The following CTNNA2 variants were observed in gnomAD, a reference collection of about 807,000 sequenced individuals.
CTNNA2 encodes the protein catenin alpha-2.
A neutral mutation model predicts 101.0 loss-of-function variants in CTNNA2; 42 were observed. That is an observed-to-expected ratio of 0.42 (90% confidence interval 0.32 to 0.54). The LOEUF (loss-of-function observed/expected upper bound fraction) is 0.54. Among genes scored for constraint, CTNNA2 ranks in the 20% least tolerant of loss-of-function variants. The probability of loss-of-function intolerance (pLI) is 0.14; values close to 1 mark genes in which losing one functional copy is unlikely to be tolerated. For synonymous variants in CTNNA2, 450 were observed against 456.4 expected, an observed-to-expected ratio of 0.99 and a Z score of 0.18; for missense variants, 871 against 1,223.1, an observed-to-expected ratio of 0.71 and a Z score of 4.29.
At chr2:79,443,137 G>A (rs900056488) in intron 4 of CTNNA2, among the ~76,000 whole-genome samples, 1 of 152,042 alleles carries the variant, frequency 6.6e-6, no homozygotes. Context: ...AATATATAAA[G>A]ATAAAAACAA....
At chr2:79,194,245 G>A (rs1294742693) in intron 1 of CTNNA2, among the ~76,000 whole-genome samples, 1 of 152,210 alleles carries the variant, frequency 6.6e-6, no homozygotes, top group Non-Finnish European at 1.5e-5. Context: ...ACTGTTGGTG[G>A]AGGGCAAGCT....
intron 7 of CTNNA2, among the ~76,000 whole-genome samples, chr2:80,300,281 G>GGGGGGTGT (rs1353283390): frequency 1.1e-5 from 1 of 93,108 alleles, no homozygotes; most frequent in Non-Finnish European, 2.2e-5. Flanking sequence ...GGGGTGTTGG[G>GGGGGGTGT]GTGTGTGTGT....
chr2:80,040,782 C>A (rs1338267268), intron 7 of CTNNA2, among the ~76,000 whole-genome samples: 1 of 152,022 alleles, frequency 6.6e-6, no homozygotes, highest in Non-Finnish European at 1.5e-5. Flanking sequence ...TTGGACGATT[C>A]AATTAAAGGT....
intron 7 of CTNNA2, among the ~76,000 whole-genome samples, chr2:80,156,385 C>T (rs2148936639): frequency 6.6e-6 from 1 of 152,304 alleles, no homozygotes; most frequent in East Asian, 1.9e-4. Flanking sequence ...TTGCAAGTAG[C>T]TCTCTTAAAA....
intron 5 of CTNNA2, among the ~76,000 whole-genome samples, chr2:79,873,475 G>T (rs189912323): frequency 6.6e-6 from 1 of 152,278 alleles, no homozygotes; most frequent in African/African-American, 2.4e-5. Context: ...GATAGGAGAG[G>T]AAGAGTGTCT....
At chr2:79,729,300 T>A (rs1408759264) in intron 2 of CTNNA2, among the ~76,000 whole-genome samples, 1 of 152,164 alleles carries the variant, frequency 6.6e-6, no homozygotes, top group East Asian at 1.9e-4. Context: ...GTTCCTTAAA[T>A]AAACTGTCTT....
At chr2:80,519,119 T>TTG (rs138881791) in intron 9 of CTNNA2, among the ~76,000 whole-genome samples, 8,509 of 151,862 alleles carry the variant, frequency 0.056, 314 homozygotes, top group African/African-American at 0.1. Flanking sequence ...TCTTTCTCTT[T>TTG]TGTGTGTGTG....
At chr2:79,699,684 G>A (rs1487463919) in intron 2 of CTNNA2, among the ~76,000 whole-genome samples, 1 of 150,552 alleles carries the variant, frequency 6.6e-6, no homozygotes, top group Non-Finnish European at 1.5e-5. Flanking sequence ...CCTTTTTGGG[G>A]GGATCTTTTT....
chr2:79,906,423 C>T (rs1025117536), intron 6 of CTNNA2, among the ~76,000 whole-genome samples: 5 of 152,108 alleles, frequency 3.3e-5, no homozygotes, highest in African/African-American at 4.8e-5. Flanking sequence ...GTCTCCCGAG[C>T]GGCTTCTCCC....
intron 2 of CTNNA2, among the ~76,000 whole-genome samples, chr2:79,668,239 T>A: frequency 1.1e-5 from 1 of 90,176 alleles, no homozygotes; most frequent in African/African-American, 4.6e-5. Flanking sequence ...AGAGCGAGAC[T>A]CCGTCTCAAA....
At chr2:80,223,633 A>G (rs932853051) in intron 7 of CTNNA2, among the ~76,000 whole-genome samples, 1 of 152,178 alleles carries the variant, frequency 6.6e-6, no homozygotes, top group African/African-American at 2.4e-5. Flanking sequence ...CAGAACACTC[A>G]AGAGTTCTGT....
At chr2:79,335,273 A>C (rs926819907) in intron 3 of CTNNA2, among the ~76,000 whole-genome samples, 1 of 152,204 alleles carries the variant, frequency 6.6e-6, no homozygotes, top group African/African-American at 2.4e-5. Flanking sequence ...CATGAATATA[A>C]TTAGCAGAAC....
At chr2:80,508,095 T>G (rs1301496443) in intron 9 of CTNNA2, among the ~76,000 whole-genome samples, 1 of 152,166 alleles carries the variant, frequency 6.6e-6, no homozygotes, top group Admixed American at 6.5e-5. Context: ...TGGCACTAGA[T>G]GATATCTAAG....
At chr2:79,560,006 T>C (rs191059004) in intron 1 of CTNNA2, among the ~76,000 whole-genome samples, 99 of 151,990 alleles carry the variant, frequency 6.5e-4, no homozygotes, top group African/African-American at 1.9e-3. Context: ...ATGATATGTA[T>C]ATTTAACATC....
At chr2:80,416,146 G>T (rs1250145861) in intron 8 of CTNNA2, among the ~76,000 whole-genome samples, 1 of 151,944 alleles carries the variant, frequency 6.6e-6, no homozygotes, top group Non-Finnish European at 1.5e-5. Flanking sequence ...ACACCATGAT[G>T]ACTAGCAAAA....
chr2:79,511,943 G>A (rs1323971992), upstream of CTNNA2, among the ~76,000 whole-genome samples: 3 of 152,058 alleles, frequency 2.0e-5, no homozygotes, highest in Non-Finnish European at 4.4e-5. Flanking sequence ...ACTTAGCGTC[G>A]GTTGTGTCAT....
At chr2:80,571,418 T>C (rs921506889) in intron 12 of CTNNA2, among the ~76,000 whole-genome samples, 7 of 152,190 alleles carry the variant, frequency 4.6e-5, no homozygotes, top group Admixed American at 2.6e-4. Context: ...ATAATTTGAT[T>C]TCTTTTTAAA....
At chr2:80,102,135 G>T (rs1362595756) in intron 7 of CTNNA2, among the ~76,000 whole-genome samples, 1 of 152,126 alleles carries the variant, frequency 6.6e-6, no homozygotes, top group Non-Finnish European at 1.5e-5. Context: ...CCGATATAAG[G>T]TTAGTAGGCA....
At chr2:79,269,771 T>C (rs1299631466) in intron 2 of CTNNA2, among the ~76,000 whole-genome samples, 3 of 152,116 alleles carry the variant, frequency 2.0e-5, no homozygotes, top group Non-Finnish European at 4.4e-5. Context: ...TACTATCAAG[T>C]GCCTGTTACT....
Sources: gnomAD v4.1 joint callset for allele counts (sites outside exome capture counted in the v4.1 genomes callset) on GRCh38, gnomAD v4.1.1 for gene constraint, MANE v1.5 for transcripts, NCBI Gene and HGNC (gene_info 2026-07-23, HGNC 2026-07-21) for gene names.